The following PTPRT variants were observed in gnomAD, a reference collection of about 807,000 sequenced individuals.
PTPRT encodes the protein receptor-type tyrosine-protein phosphatase T.
A neutral mutation model predicts 176.8 loss-of-function variants in PTPRT; 56 were observed. That is an observed-to-expected ratio of 0.32 (90% CI 0.26 to 0.40). The LOEUF is 0.40. PTPRT is among the 10% of genes least tolerant of loss of function. The pLI, the probability that PTPRT is intolerant of heterozygous loss-of-function variation, is 1.00. For synonymous variants in PTPRT, 783 were observed against 739.0 expected, an observed-to-expected ratio of 1.06 and a Z score of -0.96; for missense variants, 1,540 against 1,908.2, an observed-to-expected ratio of 0.81 and a Z score of 3.60.
intron 1 of PTPRT, among the ~76,000 whole-genome samples, chr20:43,104,760 G>C (rs1406680907): frequency 1.3e-5 from 2 of 152,188 alleles, no homozygotes; most frequent in African/African-American, 4.8e-5. Context: ...TAATTCAGTA[G>C]AGCAGACTCT....
chr20:42,572,127 C>T (rs1298042030), intron 7 of PTPRT, among the ~76,000 whole-genome samples: 5 of 152,142 alleles, frequency 3.3e-5, no homozygotes, highest in African/African-American at 4.8e-5. Context: ...TATGCATGCT[C>T]ACAGGGCAGA....
chr20:42,476,238 G>T (rs1365391685), intron 7 of PTPRT, among the ~76,000 whole-genome samples: 1 of 152,168 alleles, frequency 6.6e-6, no homozygotes, highest in Non-Finnish European at 1.5e-5. Context: ...CATTCTTGGG[G>T]CCTCAGTATC....
chr20:42,867,277 A>T (rs2078762406), intron 2 of PTPRT, among the ~76,000 whole-genome samples: 1 of 152,202 alleles, frequency 6.6e-6, no homozygotes, highest in Admixed American at 6.5e-5. Context: ...CAGGTTACCA[A>T]ACCAGCTCCA....
chr20:43,072,186 G>T (rs1014072169), intron 1 of PTPRT, among the ~76,000 whole-genome samples: 6 of 152,206 alleles, frequency 3.9e-5, no homozygotes, highest in Non-Finnish European at 4.4e-5. Context: ...ATGCAATTAA[G>T]AAGCCAAGAA....
chr20:43,055,784 C>T (rs1422415712), intron 1 of PTPRT, among the ~76,000 whole-genome samples: 2 of 152,142 alleles, frequency 1.3e-5, no homozygotes, highest in Admixed American at 6.5e-5. Context: ...ACTGTCAAAA[C>T]CCTGCCATTT....
At chr20:42,470,772 A>G (rs1056479216) in intron 8 of PTPRT, among the ~76,000 whole-genome samples, 1 of 151,968 alleles carries the variant, frequency 6.6e-6, no homozygotes, top group East Asian at 1.9e-4. Context: ...AACATGGAGG[A>G]CAGGTCATTC....
chr20:42,294,669 G>A (rs553643916), intron 12 of PTPRT, among the ~76,000 whole-genome samples: 2 of 151,198 alleles, frequency 1.3e-5, no homozygotes, highest in East Asian at 3.9e-4. Context: ...CACAAATGAT[G>A]AAAATCTACC....
chr20:42,633,875 A>ATAATATAAT (rs2074480275), intron 7 of PTPRT, among the ~76,000 whole-genome samples: 1 of 84,250 alleles, frequency 1.2e-5, no homozygotes, highest in Non-Finnish European at 2.1e-5. Flanking sequence ...TATCTATAAT[A>ATAATATAAT]TATTATAATA....
intron 16 of PTPRT, 108 bp from the exon 17 acceptor site, chr20:42,161,650 G>T (rs1989607233): frequency 1.9e-6 from 2 of 1,048,270 alleles, no homozygotes; most frequent in Non-Finnish European, 2.7e-6. Context: ...ACCAACTTGG[G>T]ACTCAACTGA....
At chr20:42,690,181 G>T (rs892689238) in intron 6 of PTPRT, among the ~76,000 whole-genome samples, 1 of 151,910 alleles carries the variant, frequency 6.6e-6, no homozygotes. Context: ...GGGGTGGGGG[G>T]CCAGCAAAAA....
At chr20:42,790,868 C>A (rs2077364518) in intron 3 of PTPRT, among the ~76,000 whole-genome samples, 1 of 152,154 alleles carries the variant, frequency 6.6e-6, no homozygotes. Flanking sequence ...ATAAAATAGG[C>A]TAGTACTAGT....
chr20:43,177,109 G>A (rs2015141130), intron 1 of PTPRT, among the ~76,000 whole-genome samples: 1 of 152,244 alleles, frequency 6.6e-6, no homozygotes, highest in African/African-American at 2.4e-5. Flanking sequence ...CGCCATTGGT[G>A]TCAGAAGTGG....
chr20:42,685,947 A>G (rs2075683672), intron 6 of PTPRT: 1 of 152,170 alleles, frequency 6.6e-6, no homozygotes, highest in Admixed American at 6.5e-5. Flanking sequence ...CTGCCCAGGT[A>G]GCAGGAGTCA....
At chr20:43,143,415 C>T (rs1366696724) in intron 1 of PTPRT, among the ~76,000 whole-genome samples, 1 of 152,192 alleles carries the variant, frequency 6.6e-6, no homozygotes, top group Non-Finnish European at 1.5e-5. Context: ...CTAAAACTTA[C>T]ACACTTGTGC....
At chr20:43,004,357 A>AT (rs1984743096) in intron 1 of PTPRT, among the ~76,000 whole-genome samples, 1 of 152,216 alleles carries the variant, frequency 6.6e-6, no homozygotes, top group African/African-American at 2.4e-5. Flanking sequence ...ACCAGCAAGC[A>AT]TTAAATGGCA....
At chr20:42,629,943 C>T (rs774859695) in intron 7 of PTPRT, among the ~76,000 whole-genome samples, 1 of 152,156 alleles carries the variant, frequency 6.6e-6, no homozygotes, top group Non-Finnish European at 1.5e-5. Flanking sequence ...ATTTCTACTG[C>T]CGGGTGTCCC....
chr20:42,972,794 A>G (rs1982732990), intron 1 of PTPRT, among the ~76,000 whole-genome samples: 1 of 152,028 alleles, frequency 6.6e-6, no homozygotes, highest in Non-Finnish European at 1.5e-5. Context: ...TATTTTGGAA[A>G]GATCACTCTA....
At chr20:42,832,112 G>GACATGAAATCA (rs1280255978) in intron 2 of PTPRT, among the ~76,000 whole-genome samples, 1 of 152,170 alleles carries the variant, frequency 6.6e-6, no homozygotes, top group African/African-American at 2.4e-5. Context: ...CAATAGCAAA[G>GACATGAAATCA]ACATGAAATC....
At position 42,582,506 on chromosome 20, in the gene PTPRT, G is replaced by A. The variant is rs6030343; in HGVS notation, c.1153+95360C>T. On this transcript the variant is annotated intron_variant, in intron 7 of 30. Transcript: ENST00000373187. ...AACCACAGGTCAAGGGGGTGAGTCC[G>A]CCTGAAATTAAATTAGCCTAGGGGC... Among the ~76,000 whole-genome samples, 606 of 152,236 alleles carry A rather than the reference G, an allele frequency of 4.0e-3. 2 individuals carry two copies. The highest frequency in any genetic ancestry group is 0.014 in the African/African-American group (574 of 41,536).
Sources: gnomAD v4.1 joint callset for allele counts (sites outside exome capture counted in the v4.1 genomes callset) on GRCh38, gnomAD v4.1.1 for gene constraint, MANE v1.5 for transcripts, NCBI Gene and HGNC (gene_info 2026-07-23, HGNC 2026-07-21) for gene names.